The following ZNF804B variants were observed in gnomAD, a reference collection of about 807,000 sequenced individuals.
ZNF804B encodes the protein zinc finger 804B.
ZNF804B carries 80 observed loss-of-function variants against 101.4 expected under a neutral mutation model. The ratio of observed to expected loss-of-function variants is 0.79; its 90% CI spans 0.66 to 0.95. The LOEUF (loss-of-function observed/expected upper bound fraction) is 0.95, where lower values mean the gene tolerates loss of function less well. Ranked by LOEUF, ZNF804B falls within the 40% of genes least tolerant of loss-of-function variation. The pLI, the probability that ZNF804B is intolerant of heterozygous loss-of-function variation, is 0.00. For synonymous variants in ZNF804B, 622 were observed against 558.8 expected, an observed-to-expected ratio of 1.11 and a Z score of -1.59; for missense variants, 1,673 against 1,561.9, an observed-to-expected ratio of 1.07 and a Z score of -1.20.
intron 2 of ZNF804B, among the ~76,000 whole-genome samples, chr7:89,278,425 C>G (rs997688813): frequency 6.7e-6 from 1 of 150,232 alleles, no homozygotes; most frequent in Non-Finnish European, 1.5e-5. Flanking sequence ...AGTCCTTGCC[C>G]GTGCCTATGT....
chr7:89,252,952 G>A (rs1162591509), intron 2 of ZNF804B, among the ~76,000 whole-genome samples: 3 of 152,072 alleles, frequency 2.0e-5, no homozygotes, highest in African/African-American at 7.2e-5. Context: ...GGAATCTATC[G>A]ATCCCAAACC....
At chr7:89,328,802 A>T (rs1775778637) in intron 3 of ZNF804B, among the ~76,000 whole-genome samples, 1 of 151,926 alleles carries the variant, frequency 6.6e-6, no homozygotes, top group Admixed American at 6.6e-5. Context: ...ACAACAGTAA[A>T]TCTAAATAGT....
intron 1 of ZNF804B, among the ~76,000 whole-genome samples, chr7:89,209,648 T>C (rs184768382): frequency 1.3e-5 from 2 of 152,320 alleles, no homozygotes; most frequent in East Asian, 3.9e-4. Context: ...ACCTACCTAC[T>C]CTAACATTAT....
At chr7:89,144,691 T>A (rs958980539) in intron 1 of ZNF804B, among the ~76,000 whole-genome samples, 6 of 152,046 alleles carry the variant, frequency 3.9e-5, no homozygotes, top group African/African-American at 1.4e-4. Flanking sequence ...ACATAATAGA[T>A]TTTAAATGTT....
intron 1 of ZNF804B, among the ~76,000 whole-genome samples, chr7:89,165,236 A>G (rs1334022918): frequency 6.6e-6 from 1 of 152,056 alleles, no homozygotes; most frequent in Middle Eastern, 3.2e-3. Flanking sequence ...TAATTGGGGT[A>G]TTACATTTAC....
chr7:89,098,007 A>G (rs1238776534), intron 1 of ZNF804B, among the ~76,000 whole-genome samples: 1 of 152,192 alleles, frequency 6.6e-6, no homozygotes, highest in Non-Finnish European at 1.5e-5. Flanking sequence ...TAACATAATA[A>G]TGTTTAGCAC....
rs147190875 is a variant in ZNF804B, at chr7:89,334,501, G to A, written c.1519G>A (p.Glu507Lys). Residue 507 changes from glutamate (E) to lysine (K), a missense_variant, in exon 4 of 4, where the codon GAA becomes AAA. Glu to Lys is a moderately conservative substitution (Grantham distance 56). Transcript: ENST00000333190. Reference sequence around the variant, plus strand: ...AACAGAATTGGGTAAGAAGCCCTTGGAATTGAAGACTAAAAGAGAGAGCCA... The same window carrying A: ...AACAGAATTGGGTAAGAAGCCCTTGAAATTGAAGACTAAAAGAGAGAGCCA... ...LKTELGKKPL[E>K]LKTKRESQVS... The A allele has an allele frequency of 5.0e-5, 80 of 1,613,578 alleles. No homozygotes were observed. Among genetic ancestry groups the A allele is most frequent in the Non-Finnish European group, 6.6e-5 (78 of 1,179,844 alleles).
chr7:89,150,629 T>C (rs1486801612), intron 1 of ZNF804B, among the ~76,000 whole-genome samples: 2 of 152,162 alleles, frequency 1.3e-5, no homozygotes, highest in Admixed American at 1.3e-4. Context: ...TATGTCCATC[T>C]AATATGCTTT....
At chr7:89,207,752 C>A (rs529253530) in intron 1 of ZNF804B, among the ~76,000 whole-genome samples, 3 of 152,026 alleles carry the variant, frequency 2.0e-5, no homozygotes, top group African/African-American at 4.8e-5. Context: ...AAAAATAAAT[C>A]AATCAATCAG....
At chr7:88,945,864 G>T (rs1438336081) in intron 1 of ZNF804B, among the ~76,000 whole-genome samples, 3 of 152,178 alleles carry the variant, frequency 2.0e-5, no homozygotes, top group East Asian at 3.9e-4. Flanking sequence ...GTGAATGGGA[G>T]TTCACTCATG....
At chr7:89,125,631 C>T (rs183393116) in intron 1 of ZNF804B, among the ~76,000 whole-genome samples, 70 of 151,980 alleles carry the variant, frequency 4.6e-4, no homozygotes, top group Admixed American at 3.1e-3. Context: ...AATTGTTCTT[C>T]GAATGCTTAA....
chr7:89,234,811 A>G (rs1789255332), intron 2 of ZNF804B, among the ~76,000 whole-genome samples: 1 of 152,134 alleles, frequency 6.6e-6, no homozygotes, highest in Non-Finnish European at 1.5e-5. Context: ...TCAGCCTCAG[A>G]CTGGGAGATG....
At chr7:88,946,538 A>G (rs1321214630) in intron 1 of ZNF804B, among the ~76,000 whole-genome samples, 3 of 136,872 alleles carry the variant, frequency 2.2e-5, no homozygotes, top group African/African-American at 8.4e-5. Context: ...CATCAGGGAT[A>G]TTGGGCTGAA....
At chr7:88,811,252 G>A (rs1790781132) in intron 1 of ZNF804B, among the ~76,000 whole-genome samples, 1 of 152,064 alleles carries the variant, frequency 6.6e-6, no homozygotes, top group Admixed American at 6.6e-5. Flanking sequence ...CAATAAACAA[G>A]CAAAAAAGCT....
intron 1 of ZNF804B, among the ~76,000 whole-genome samples, chr7:89,161,140 C>G (rs1010663617): frequency 1.3e-5 from 2 of 151,996 alleles, no homozygotes; most frequent in African/African-American, 4.8e-5. Context: ...TGAGAGCTGA[C>G]TCCTACAACT....
chr7:89,235,225 G>T (rs1384922151), intron 2 of ZNF804B, among the ~76,000 whole-genome samples: 1 of 152,088 alleles, frequency 6.6e-6, no homozygotes. Context: ...AGAAATTTCT[G>T]TTTATTTTTT....
At chr7:89,080,715 A>C (rs528476306) in intron 1 of ZNF804B, among the ~76,000 whole-genome samples, 31 of 151,928 alleles carry the variant, frequency 2.0e-4, no homozygotes, top group Non-Finnish European at 4.0e-4. Context: ...CAGCATGCTC[A>C]ATCTAGAAAT....
At chr7:89,267,468 G>T (rs905451148) in intron 2 of ZNF804B, among the ~76,000 whole-genome samples, 1 of 152,130 alleles carries the variant, frequency 6.6e-6, no homozygotes, top group African/African-American at 2.4e-5. Context: ...GGGCTCAGAT[G>T]ATAACATTTT....
At chr7:89,198,949 G>A (rs942996360) in intron 1 of ZNF804B, among the ~76,000 whole-genome samples, 1 of 151,814 alleles carries the variant, frequency 6.6e-6, no homozygotes, top group African/African-American at 2.4e-5. Flanking sequence ...CGGGAATATG[G>A]AGCCATAAGG....
Sources: allele counts gnomAD v4.1 joint callset (sites outside exome capture counted in the v4.1 genomes callset), GRCh38; gene constraint gnomAD v4.1.1; transcripts MANE v1.5; gene names NCBI Gene and HGNC (gene_info 2026-07-23, HGNC 2026-07-21).